ZIC3: variants seen among roughly 807,000 people sequenced by gnomAD.
ZIC3 encodes zinc finger protein ZIC 3.
ZIC3 carries 6 observed loss-of-function variants against 18.3 expected under a neutral mutation model. The ratio of observed to expected loss-of-function variants is 0.33; its 90% CI spans 0.18 to 0.65. ZIC3 has a LOEUF of 0.65. ZIC3 is among the 30% of genes least tolerant of loss of function. The probability of loss-of-function intolerance (pLI) is 0.75; values close to 1 mark genes in which losing one functional copy is unlikely to be tolerated. For synonymous variants in ZIC3, 175 were observed against 177.0 expected (o/e 0.99, Z 0.09); for missense variants, 260 against 410.0 (o/e 0.63, Z 3.16).
At chrX:137,577,082 T>C (rs1220391548), downstream of ZIC3, 1 of 488,068 alleles carries the variant, frequency 2.0e-6, no homozygotes, top group Non-Finnish European at 3.7e-6. Context: ...ATGTGGCCTG[T>C]TTTGACCTAT....
intron 1 of ZIC3, 140 bp from the exon 2 acceptor site, chrX:137,568,762 G>A (rs931136757): frequency 1.8e-5 from 12 of 663,223 alleles, no homozygotes; most frequent in Non-Finnish European, 2.8e-5. Context: ...TTCTCTCCAG[G>A]GAAAATAGAT....
downstream of ZIC3, among the ~76,000 whole-genome samples, chrX:137,575,962 T>C (rs1259980944): frequency 8.9e-6 from 1 of 112,014 alleles, no homozygotes; most frequent in Non-Finnish European, 1.9e-5. Context: ...TAGTATTTTC[T>C]GTCCTTTTCT....
chrX:137,574,964 G>C (rs1204931048), downstream of ZIC3, among the ~76,000 whole-genome samples: 1 of 112,000 alleles, frequency 8.9e-6, no homozygotes, highest in Non-Finnish European at 1.9e-5. Context: ...GGAAGTTGGC[G>C]TGTGCTTTTT....
At chrX:137,568,686 G>GCCCCAC (rs1200920784) in intron 1 of ZIC3, 5 of 88,045 alleles carry the variant, frequency 5.7e-5, no homozygotes, top group East Asian at 2.9e-4. Flanking sequence ...GGCCGGCCCC[G>GCCCCAC]CCCCACCCCC....
At position 137,566,988 on chromosome X, in the gene ZIC3, C is replaced by A; in HGVS notation, c.297C>A (p.Ser99Arg). ...ACCATCACCATCATCACCACACCAG[C>A]CAGGTGCCCAGCTACGGTGGCGCTG... is the stretch of plus-strand genomic sequence containing the variant. ...HHHHHHHHHT[S>R]QVPSYGGAAS... The change falls in exon 1 of 3, where the codon AGC (serine) becomes AGA (arginine). Residue 99 changes from serine to arginine, a missense_variant. Physicochemically the swap from Ser to Arg is moderately radical, Grantham distance 110 (BLOSUM62 -1). This residue lies in a region of ZIC3 where 183 missense variants were observed against 223.8 expected (regional missense o/e 0.82). Coordinates refer to ENST00000287538, the MANE Select transcript of ZIC3 (RefSeq NM_003413.4). 3.4e-6 allele frequency: 4 copies of A among 1,167,554 alleles called. No individual in the cohort carries two copies. Among genetic ancestry groups the A allele is most frequent in the Non-Finnish European group, 4.6e-6 (4 of 873,186 alleles).
chrX:137,576,054 A>ATT (rs397956388), downstream of ZIC3, among the ~76,000 whole-genome samples: 484 of 93,500 alleles, frequency 5.2e-3, 6 homozygotes, highest in African/African-American at 0.018. Flanking sequence ...CACCAAGCCG[A>ATT]TTTTTTTTTT....
In ZIC3 at chrX:137,570,933, T is replaced by A. The variant is rs1422066804; in HGVS notation, c.*863T>A. On this transcript the variant is annotated 3_prime_UTR_variant, in exon 3 of 3. Transcript: ENST00000287538. ...ATTAAATCTTGTTTGTTGGTATTTA[T>A]AACTCACTCAGATCCCTTTTTTAAT... The A allele has an allele frequency of 1.8e-5, 2 of 113,006 alleles. No individual in the cohort carries two copies. Among genetic ancestry groups the A allele is most frequent in the African/African-American group, 6.4e-5 (2 of 31,023 alleles). The allele number at this position is 113,006 out of a possible 1,213,427, so 9.3% of individuals were successfully genotyped here. A position where few individuals can be genotyped will look rare whatever the true frequency, so the allele number is the denominator to read the frequency against.
chrX:137,576,188 C>G (rs1931512660), downstream of ZIC3, among the ~76,000 whole-genome samples: 2 of 108,284 alleles, frequency 1.8e-5, no homozygotes, highest in African/African-American at 6.8e-5. Context: ...GCTGTATACT[C>G]TATTTTTCCA....
Position 137,566,332 on chromosome X carries a change from T to G in ZIC3, c.-360T>G. 1.3e-5 allele frequency: 3 copies of G among 238,818 alleles called. No individual in the cohort carries two copies. Among genetic ancestry groups the G allele is most frequent in the Non-Finnish European group, 2.3e-5 (3 of 133,031 alleles). 19.7% of individuals were successfully genotyped at this position (238,818 alleles called of 1,213,427 possible). Reference sequence around the variant, plus strand: ...TCTGTGCACTCGGGGAGAGGAGGGGTGCCCGGGACAGGATTGGCAAACTCC... The same window carrying G: ...TCTGTGCACTCGGGGAGAGGAGGGGGGCCCGGGACAGGATTGGCAAACTCC... On this transcript the variant is annotated 5_prime_UTR_variant, in exon 1 of 3. Coordinates refer to ENST00000287538, the MANE Select transcript of ZIC3 (RefSeq NM_003413.4).
In ZIC3 at chrX:137,567,684, C is replaced by T. The variant is rs760673255; in HGVS notation, c.993C>T (p.Pro331=). Residue 331 remains proline (P), a synonymous_variant, in exon 1 of 3, where the codon CCC becomes CCT. Transcript: ENST00000287538. ...VHTGEKPFPC[P]FPGCGKIFAR... ...CGGGCGAGAAGCCCTTCCCATGCCC[C>T]TTCCCGGGCTGCGGGAAGATCTTTG... 5 of 1,212,262 alleles carry T rather than the reference C, an allele frequency of 4.1e-6. No homozygotes were observed. The Admixed American group carries it at 8.7e-5, about 21-fold the overall frequency.
chrX:137,567,340 C>T lies in ZIC3; in HGVS notation c.649C>T (p.Pro217Ser). 2 of 1,211,592 alleles carry T rather than the reference C, an allele frequency of 1.7e-6. No homozygotes were observed. The highest frequency in any genetic ancestry group is 1.1e-6 in the Non-Finnish European group (1 of 895,608). The change falls in exon 1 of 3, where the codon CCT (proline) becomes TCT (serine). Residue 217 changes from proline to serine, a missense_variant. By Grantham distance (74) the Pro-to-Ser change is moderately conservative. Coordinates refer to ENST00000287538, the MANE Select transcript of ZIC3 (RefSeq NM_003413.4). ...TDPYAAGAQF[P>S]NYSPMNMNMG... ...CCCCTACGCGGCCGGCGCTCAGTTT[C>T]CTAACTACAGCCCCATGAACATGAA...
downstream of ZIC3, among the ~76,000 whole-genome samples, chrX:137,575,321 T>C (rs1343338173): frequency 9.0e-6 from 1 of 111,648 alleles, no homozygotes; most frequent in Non-Finnish European, 1.9e-5. Flanking sequence ...CCTATGAAAA[T>C]TGGCACTGTA....
At chrX:137,568,580 C>T (rs1436769245) in intron 1 of ZIC3, among the ~76,000 whole-genome samples, 1 of 111,649 alleles carries the variant, frequency 9.0e-6, no homozygotes, top group Admixed American at 9.5e-5. Flanking sequence ...CATTGGGAGC[C>T]CTGGGTCGGG....
intron 2 of ZIC3, 151 bp from the exon 3 acceptor site, chrX:137,569,740 C>G (rs761647662): frequency 5.5e-6 from 3 of 544,058 alleles, no homozygotes; most frequent in South Asian, 3.4e-5. Flanking sequence ...TTCTAGACAT[C>G]GGTAATACGG....
At chrX:137,575,774 G>C (rs1028225079), downstream of ZIC3, among the ~76,000 whole-genome samples, 3 of 111,692 alleles carry the variant, frequency 2.7e-5, no homozygotes, top group Non-Finnish European at 5.6e-5. Context: ...GGCTGGCCCA[G>C]ATCTGGGGGG....
In ZIC3 at chrX:137,566,525, ACT is replaced by A. The variant is rs1931342178; in HGVS notation, c.-164_-163del. The A allele has an allele frequency of 5.9e-6, 4 of 673,480 alleles. No individual in the cohort carries two copies. Among genetic ancestry groups the A allele is most frequent in the African/African-American group, 2.6e-5 (1 of 38,637 alleles). 55.5% of individuals were successfully genotyped at this position (673,480 alleles called of 1,213,427 possible). On this transcript the variant is annotated 5_prime_UTR_variant, in exon 1 of 3. Coordinates refer to ENST00000287538, the MANE Select transcript of ZIC3 (RefSeq NM_003413.4). ...CCTCCCTCCTATCCCTCTGCAGGAGACTCTTGCAGTGACGGAAAGTTGCAGCC... is the reference window on the plus strand; with the variant it reads ...CCTCCCTCCTATCCCTCTGCAGGAGACTTGCAGTGACGGAAAGTTGCAGCC...
Position 137,566,647 on chromosome X carries a change from C to G in ZIC3, c.-45C>G, listed in dbSNP as rs1273190629. The G allele has an allele frequency of 8.4e-7, 1 of 1,186,010 alleles. No homozygotes were observed. Among genetic ancestry groups the G allele is most frequent in the African/African-American group, 1.8e-5 (1 of 56,872 alleles). On this transcript the variant is annotated 5_prime_UTR_variant, in exon 1 of 3. Transcript: ENST00000287538. Reference sequence around the variant, plus strand: ...GGAGATCTCCTCCTTCGCCGGTACCCTCTCTCACTTCGGCCGGATCGCCTG... The same window carrying G: ...GGAGATCTCCTCCTTCGCCGGTACCGTCTCTCACTTCGGCCGGATCGCCTG...
chrX:137,573,150 A>C (rs886395034), downstream of ZIC3, among the ~76,000 whole-genome samples: 238 of 60,042 alleles, frequency 4.0e-3, 1 homozygote, highest in African/African-American at 0.015. Context: ...AAAAAAAAAA[A>C]AAAAAAAAAA....
In ZIC3 at chrX:137,566,730, G is replaced by T; in HGVS notation, c.39G>T (p.Gly13=). The change falls in exon 1 of 3, where the codon GGG becomes GGT. Residue 13 remains glycine (G), a synonymous_variant. Transcript: ENST00000287538. ...MLLDGGPQFP[G]LGVGSFGAPR... is the part of the protein sequence containing the mutation. ...TGGACGGAGGCCCGCAGTTCCCTGG[G>T]CTGGGAGTGGGCAGCTTCGGCGCGC... The T allele has an allele frequency of 8.4e-7, 1 of 1,195,797 alleles. No homozygotes were observed. Among genetic ancestry groups the T allele is most frequent in the Non-Finnish European group, 1.1e-6 (1 of 888,378 alleles).
Sources: gnomAD v4.1 joint callset for allele counts (sites outside exome capture counted in the v4.1 genomes callset) on GRCh38, gnomAD v4.1.1 for gene constraint, gnomAD v4.1.1 regional missense constraint, MANE v1.5 for transcripts, NCBI Gene and HGNC (gene_info 2026-07-23, HGNC 2026-07-21) for gene names.